The following CD96 variants were observed in gnomAD, a reference collection of about 807,000 sequenced individuals.
CD96 encodes the protein T-cell surface protein tactile.
Under a neutral mutation model 71.3 loss-of-function variants are expected in CD96, and 70 were observed. That is an observed-to-expected ratio of 0.98 (90% CI 0.81 to 1.20). The LOEUF is 1.20. Among genes scored for constraint, CD96 ranks in the 50% most tolerant of loss-of-function variants. The pLI, the probability that CD96 is intolerant of heterozygous loss-of-function variation, is 0.00. For missense variants in CD96, 742 were observed against 677.5 expected, an observed-to-expected ratio of 1.10 and a Z score of -1.06; for synonymous variants, 248 against 233.0, an observed-to-expected ratio of 1.06 and a Z score of -0.59.
At position 111,627,820 on chromosome 3, in the gene CD96, G is replaced by A. The variant is rs143498448; in HGVS notation, c.1321+3416G>A. On this transcript the variant is annotated intron_variant, in intron 10 of 13. Coordinates refer to ENST00000352690, the MANE Select transcript of CD96 (RefSeq NM_005816.5). ...GAATAGGCAGGTGGCCATATTTGCT[G>A]TTTCACAACCTTCACTGATGATACC... 6.6e-3 allele frequency among the ~76,000 whole-genome samples: 1,012 copies of A among 152,332 alleles called. 4 individuals carry two copies. Among genetic ancestry groups the A allele is most frequent in the Middle Eastern group, 0.02 (6 of 294 alleles).
chr3:111,561,497 G>T (rs2107527499), intron 2 of CD96, among the ~76,000 whole-genome samples: 1 of 147,278 alleles, frequency 6.8e-6, no homozygotes, highest in Non-Finnish European at 1.5e-5. Flanking sequence ...CCCTGCTGCG[G>T]GGTGCCTCCC....
chr3:111,585,325 AAAC>A lies in CD96; in HGVS notation c.755_757del (p.Lys252_Pro253delinsThr). 1 of 1,608,854 alleles carries A rather than the reference AAAC, an allele frequency of 6.2e-7. No individual in the cohort carries two copies. The highest frequency in any genetic ancestry group is 8.5e-7 in the Non-Finnish European group (1 of 1,175,212). ...ACTATGTTTTATTTGCCTTTAAGCT[AAAC>A]CAGAAATCCCTGTGATTGTGGAAAA... On this transcript the variant is annotated inframe_deletion, in exon 5 of 14. Transcript: ENST00000352690.
chr3:111,569,110 G>T (rs555153680), intron 3 of CD96, among the ~76,000 whole-genome samples: 2 of 152,252 alleles, frequency 1.3e-5, no homozygotes, highest in African/African-American at 4.8e-5. Flanking sequence ...CATATTACAA[G>T]CTACCTAGAT....
At chr3:111,590,422 C>T (rs890441741) in intron 5 of CD96, among the ~76,000 whole-genome samples, 18 of 152,182 alleles carry the variant, frequency 1.2e-4, no homozygotes, top group Admixed American at 3.3e-4. Context: ...ACTAGCAGCC[C>T]GCAGTGTGGA....
At chr3:111,649,031 G>A (rs746739798) in intron 13 of CD96, among the ~76,000 whole-genome samples, 22 of 152,132 alleles carry the variant, frequency 1.4e-4, no homozygotes, top group African/African-American at 3.9e-4. Context: ...GCCAGTACTC[G>A]GGGATTGAGA....
chr3:111,585,943 C>T (rs1936693328), intron 5 of CD96, among the ~76,000 whole-genome samples: 1 of 152,140 alleles, frequency 6.6e-6, no homozygotes, highest in African/African-American at 2.4e-5. Context: ...CCTGTAGTCA[C>T]TAGGATCTGG....
At chr3:111,543,199 G>C (rs1481650094) in intron 1 of CD96, among the ~76,000 whole-genome samples, 2 of 152,128 alleles carry the variant, frequency 1.3e-5, no homozygotes, top group African/African-American at 2.4e-5. Flanking sequence ...TCAGTTGCTT[G>C]TCATCTTTTT....
At chr3:111,571,089 A>G in intron 3 of CD96, 1 of 809,092 alleles carries the variant, frequency 1.2e-6, no homozygotes, top group Middle Eastern at 2.3e-4. Context: ...GTGGAGACTA[A>G]GACCCGGGCA....
chr3:111,614,350 A>T (rs1367283052), intron 8 of CD96, among the ~76,000 whole-genome samples: 1 of 151,974 alleles, frequency 6.6e-6, no homozygotes, highest in Non-Finnish European at 1.5e-5. Context: ...GAAGAGGGAG[A>T]GGTAGGTAAG....
chr3:111,571,081 G>T, intron 3 of CD96: 1 of 857,418 alleles, frequency 1.2e-6, no homozygotes, highest in South Asian at 1.4e-5. Flanking sequence ...TAGGTCAAGT[G>T]GAGACTAAGA....
intron 10 of CD96, among the ~76,000 whole-genome samples, chr3:111,629,516 A>G (rs1938952394): frequency 1.3e-5 from 2 of 152,172 alleles, no homozygotes; most frequent in South Asian, 4.1e-4. Context: ...ATTCATAAAG[A>G]AAGTTCTTAG....
At chr3:111,642,010 A>C (rs1380491996) in intron 12 of CD96, among the ~76,000 whole-genome samples, 1 of 152,230 alleles carries the variant, frequency 6.6e-6, no homozygotes, top group Admixed American at 6.5e-5. Flanking sequence ...TGCTAAGAGG[A>C]AAGTTCACAG....
chr3:111,602,667 C>T (rs1937522931), intron 7 of CD96, among the ~76,000 whole-genome samples: 1 of 152,156 alleles, frequency 6.6e-6, no homozygotes, highest in Non-Finnish European at 1.5e-5. Flanking sequence ...TACTTCCACA[C>T]AGGCTGTCTG....
chr3:111,626,817 A>G (rs1316493816), intron 10 of CD96, among the ~76,000 whole-genome samples: 2 of 152,260 alleles, frequency 1.3e-5, no homozygotes, highest in African/African-American at 4.8e-5. Context: ...GTTGAATTAA[A>G]AAGTAAATAC....
chr3:111,597,447 T>G (rs931992042), intron 5 of CD96, among the ~76,000 whole-genome samples: 1 of 152,232 alleles, frequency 6.6e-6, no homozygotes, highest in African/African-American at 2.4e-5. Context: ...AAAAATATGT[T>G]GGACTGAGAT....
In CD96 at chr3:111,545,304, A is replaced by C. The variant is rs1460354367; in HGVS notation, c.320A>C (p.Asn107Thr). Residue 107 changes from asparagine to threonine, a missense_variant, in exon 2 of 14, where the codon AAT becomes ACT. By Grantham distance (65) the Asn-to-Thr change is moderately conservative. Coordinates refer to ENST00000352690, the MANE Select transcript of CD96 (RefSeq NM_005816.5). ...TCAAAATGGACTCTGCACTTAAGGAATATGTCTTGTTCAGTCAGTGGAAGG... is the reference window on the plus strand; with the variant it reads ...TCAAAATGGACTCTGCACTTAAGGACTATGTCTTGTTCAGTCAGTGGAAGG... ...NGSKWTLHLR[N>T]MSCSVSGRYE... 6.2e-7 allele frequency: 1 copy of C among 1,614,112 alleles called. No homozygotes were observed. Among genetic ancestry groups the C allele is most frequent in the Non-Finnish European group, 8.5e-7 (1 of 1,179,942 alleles).
At chr3:111,629,816 T>A (rs1938968418) in intron 10 of CD96, among the ~76,000 whole-genome samples, 1 of 152,222 alleles carries the variant, frequency 6.6e-6, no homozygotes. Flanking sequence ...TAACAAAGTC[T>A]CTCAGACCAC....
At chr3:111,654,143 C>T (rs1034936182), downstream of CD96, among the ~76,000 whole-genome samples, 3 of 152,108 alleles carry the variant, frequency 2.0e-5, no homozygotes, top group African/African-American at 4.8e-5. Flanking sequence ...CTCTCTGAGA[C>T]GAGGGCTGAA....
chr3:111,585,078 G>A (rs1404569258), intron 4 of CD96, among the ~76,000 whole-genome samples: 1 of 152,078 alleles, frequency 6.6e-6, no homozygotes, highest in Non-Finnish European at 1.5e-5. Context: ...TTGTTTATCT[G>A]TATTCCCATG....
Sources: gnomAD v4.1 joint callset for allele counts (sites outside exome capture counted in the v4.1 genomes callset) on GRCh38, gnomAD v4.1.1 for gene constraint, MANE v1.5 for transcripts, NCBI Gene and HGNC (gene_info 2026-07-23, HGNC 2026-07-21) for gene names.